The following FBLN1 variants were observed in gnomAD, a reference collection of about 807,000 sequenced individuals.
The protein encoded by FBLN1 is fibulin-1.
FBLN1 carries 34 observed loss-of-function variants against 89.7 expected under a neutral mutation model. That is an observed-to-expected ratio of 0.38 (90% CI 0.29 to 0.50). The LOEUF is 0.50. Among genes scored for constraint, FBLN1 ranks in the 20% least tolerant of loss-of-function variants. The pLI is 0.92. For synonymous variants in FBLN1, 393 were observed against 391.3 expected (o/e 1.00, Z -0.05); for missense variants, 777 against 988.1 (o/e 0.79, Z 2.86).
chr22:45,576,424 CTTACAGGTGAGGAA>C lies in FBLN1; in HGVS notation c.1841-552_1841-539del, dbSNP rs2088997744. 6.6e-6 allele frequency among the ~76,000 whole-genome samples: 1 copy of C among 152,226 alleles called. No homozygotes were observed. The highest frequency in any genetic ancestry group is 2.4e-5 in the African/African-American group (1 of 41,532). On this transcript the variant is annotated intron_variant, in intron 15 of 16. Coordinates refer to ENST00000327858, the MANE Select transcript of FBLN1 (RefSeq NM_006486.3). This position sits in a 1 kb window ranked among gnomAD's most constrained non-coding sequence, Gnocchi z 5.2. ...GGTCTCCGCCGGCTTCCTTCCTCACCTTACAGGTGAGGAAACTGAGGCCCACAGAGAGGACTCCC... is the reference window on the plus strand; with the variant it reads ...GGTCTCCGCCGGCTTCCTTCCTCACCACTGAGGCCCACAGAGAGGACTCCC...
At chr22:45,506,834 A>G (rs2088027940) in intron 1 of FBLN1, among the ~76,000 whole-genome samples, 1 of 152,174 alleles carries the variant, frequency 6.6e-6, no homozygotes, top group Admixed American at 6.5e-5. Flanking sequence ...AGCACTGGGC[A>G]CCTGGTCAGG....
intron 2 of FBLN1, among the ~76,000 whole-genome samples, chr22:45,523,664 A>C (rs1252589165): frequency 6.6e-6 from 1 of 152,216 alleles, no homozygotes; most frequent in Non-Finnish European, 1.5e-5. Context: ...TGATCGCAAC[A>C]TTGCACTCCA....
At position 45,597,789 on chromosome 22, in the gene FBLN1, T is replaced by C. The variant is rs1167737070; in HGVS notation, c.1973-2518T>C. On this transcript the variant is annotated intron_variant, in intron 16 of 16. Transcript: ENST00000327858. The surrounding 1 kb of genome is among the most constrained non-coding windows in gnomAD (Gnocchi z 4.2). ...GACAGCCTGCAGAAGCCTGTGCTTATCTCTCCATCGGAGCTAAAGCCCATG... is the reference window on the plus strand; with the variant it reads ...GACAGCCTGCAGAAGCCTGTGCTTACCTCTCCATCGGAGCTAAAGCCCATG... Among the ~76,000 whole-genome samples, 1 of 152,186 alleles carries C rather than the reference T, an allele frequency of 6.6e-6. No homozygotes were observed. Among genetic ancestry groups the C allele is most frequent in the Non-Finnish European group, 1.5e-5 (1 of 68,028 alleles).
At chr22:45,533,649 T>C in intron 6 of FBLN1, 112 bp from the exon 7 acceptor site, 2 of 1,258,526 alleles carry the variant, frequency 1.6e-6, no homozygotes, top group Non-Finnish European at 2.3e-6. Context: ...GAGCTCAGTT[T>C]GCGAGGGTGC....
Position 45,579,203 on chromosome 22 carries a change from C to T in FBLN1, c.1972+2095C>T, listed in dbSNP as rs1422632653. 6.6e-6 allele frequency among the ~76,000 whole-genome samples: 1 copy of T among 152,252 alleles called. No homozygotes were observed. The highest frequency in any genetic ancestry group is 1.5e-5 in the Non-Finnish European group (1 of 68,034). ...AACCAACCTGGGAGTGTCTGTTTCT[C>T]AGCTTCCCATCCACTGGGGCAGAAA... On this transcript the variant is annotated intron_variant, in intron 16 of 16. Transcript: ENST00000327858. This position sits in a 1 kb window ranked among gnomAD's most constrained non-coding sequence, Gnocchi z 5.5.
At chr22:45,595,646 A>G (rs946580664) in intron 16 of FBLN1, among the ~76,000 whole-genome samples, 8 of 152,294 alleles carry the variant, frequency 5.3e-5, no homozygotes, top group Admixed American at 3.9e-4. Flanking sequence ...ATCATTTTCT[A>G]TATGTTCAGG....
At chr22:45,551,472 C>T (rs2088700152) in intron 14 of FBLN1, among the ~76,000 whole-genome samples, 1 of 152,360 alleles carries the variant, frequency 6.6e-6, no homozygotes, top group South Asian at 2.1e-4. Flanking sequence ...ACCCTAGGGG[C>T]AGCTGCCCTG....
intron 2 of FBLN1, among the ~76,000 whole-genome samples, chr22:45,522,081 G>A (rs1016863728): frequency 6.6e-6 from 1 of 152,032 alleles, no homozygotes; most frequent in African/African-American, 2.4e-5. Flanking sequence ...CGCTTCCTGG[G>A]TTCAAGCGAT....
chr22:45,559,187 T>C (rs1270309810), intron 14 of FBLN1, among the ~76,000 whole-genome samples: 1 of 152,202 alleles, frequency 6.6e-6, no homozygotes, highest in Admixed American at 6.5e-5. Context: ...ACATACCAGG[T>C]ACCAAGAGAT....
rs1172212493 is a variant in FBLN1, at chr22:45,532,647, G to A, written c.545-416G>A. Among the ~76,000 whole-genome samples, 1 of 152,166 alleles carries A rather than the reference G, an allele frequency of 6.6e-6. No individual in the cohort carries two copies. The highest frequency in any genetic ancestry group is 2.4e-5 in the African/African-American group (1 of 41,428). ...GGGCAGCTGCAGGAACTGAGGCCAT[G>A]GTAGTGGGCTTGGAGCAGTGGGACA... On this transcript the variant is annotated intron_variant, in intron 5 of 16. Coordinates refer to ENST00000327858, the MANE Select transcript of FBLN1 (RefSeq NM_006486.3). The surrounding 1 kb of genome is among the most constrained non-coding windows in gnomAD (Gnocchi z 4.2).
At chr22:45,540,674 G>A (rs1467209807) in intron 8 of FBLN1, among the ~76,000 whole-genome samples, 1 of 152,184 alleles carries the variant, frequency 6.6e-6, no homozygotes, top group Non-Finnish European at 1.5e-5. Context: ...GACCATTCAT[G>A]GGTTCACACT....
Position 45,550,610 on chromosome 22 carries a change from A to C in FBLN1, c.1692A>C (p.Ala564=). The C allele has an allele frequency of 6.2e-7, 1 of 1,614,058 alleles. No homozygotes were observed. The highest frequency in any genetic ancestry group is 8.5e-7 in the Non-Finnish European group (1 of 1,180,042). Residue 564 remains alanine (A), a synonymous_variant, in exon 14 of 17, where the codon GCA becomes GCC. Coordinates refer to ENST00000327858, the MANE Select transcript of FBLN1 (RefSeq NM_006486.3). The surrounding 1 kb of genome is among the most constrained non-coding windows in gnomAD (Gnocchi z 8.4). ...GCCCTGAGAACTACCGCCGCTCCGC[A>C]GCCACGTAAGTCCCTTGGACCATGC... The part of the protein sequence containing the change: ...FECPENYRRS[A]ATLQQEKTDT...
chr22:45,503,902 A>G (rs536891739), intron 1 of FBLN1, among the ~76,000 whole-genome samples: 2 of 152,182 alleles, frequency 1.3e-5, no homozygotes, highest in African/African-American at 4.8e-5. Context: ...TCTAACCCTC[A>G]AGGCCTGGTC....
intron 16 of FBLN1, among the ~76,000 whole-genome samples, chr22:45,586,380 G>C (rs1459326934): frequency 6.6e-6 from 1 of 152,228 alleles, no homozygotes; most frequent in Non-Finnish European, 1.5e-5. Flanking sequence ...GAACCCCCAG[G>C]GGTCGGCTAC....
At chr22:45,518,141 AAG>A (rs2088195390) in intron 1 of FBLN1, among the ~76,000 whole-genome samples, 1 of 151,154 alleles carries the variant, frequency 6.6e-6, no homozygotes, top group Non-Finnish European at 1.5e-5. Flanking sequence ...AAAAAAAAAA[AAG>A]AAAAAAAAAG....
rs2088803605 is a variant in FBLN1, at chr22:45,557,500, G to A, written c.1697+6885G>A. Among the ~76,000 whole-genome samples the A allele has an allele frequency of 1.3e-5, 2 of 152,212 alleles. No individual in the cohort carries two copies. Among genetic ancestry groups the A allele is most frequent in the African/African-American group, 4.8e-5 (2 of 41,460 alleles). ...GCCATATCCAGGTCAGCCTTGGTGAGTGGAAGTCCATGTTGCTGAGCCCAT... is the reference window on the plus strand; with the variant it reads ...GCCATATCCAGGTCAGCCTTGGTGAATGGAAGTCCATGTTGCTGAGCCCAT... On this transcript the variant is annotated intron_variant, in intron 14 of 16. Transcript: ENST00000327858. This position sits in a 1 kb window ranked among gnomAD's most constrained non-coding sequence, Gnocchi z 4.9.
chr22:45,598,603 C>T (rs929266508), intron 16 of FBLN1, among the ~76,000 whole-genome samples: 3 of 152,208 alleles, frequency 2.0e-5, no homozygotes, highest in African/African-American at 7.2e-5. Flanking sequence ...TTCTCGCCCC[C>T]GCTGGACAAT....
chr22:45,517,902 T>G (rs1011921660), intron 1 of FBLN1, among the ~76,000 whole-genome samples: 1 of 152,134 alleles, frequency 6.6e-6, no homozygotes, highest in African/African-American at 2.4e-5. Context: ...AGGCCATGGC[T>G]GGCCAATCAC....
rs1207903689 is a variant in FBLN1 at position 45,580,468 on chromosome 22, G to C, written c.1972+3360G>C. On this transcript the variant is annotated intron_variant, in intron 16 of 16. Transcript: ENST00000327858. The surrounding 1 kb of genome is among the most constrained non-coding windows in gnomAD (Gnocchi z 8.6). ...GCTGAGTGTCCTTGCATGTGAGGGAGTGACACTTAGTGAGCACCTGTGATG... is the reference window on the plus strand; with the variant it reads ...GCTGAGTGTCCTTGCATGTGAGGGACTGACACTTAGTGAGCACCTGTGATG... 6.6e-6 allele frequency among the ~76,000 whole-genome samples: 1 copy of C among 152,214 alleles called. No homozygotes were observed. The highest frequency in any genetic ancestry group is 1.5e-5 in the Non-Finnish European group (1 of 68,044).
Sources: gnomAD v4.1 joint callset for allele counts (sites outside exome capture counted in the v4.1 genomes callset) on GRCh38, gnomAD v4.1.1 for gene constraint, Gnocchi (gnomAD v3.1) non-coding constraint, MANE v1.5 for transcripts, NCBI Gene and HGNC (gene_info 2026-07-23, HGNC 2026-07-21) for gene names.